The following RANBP9 variants were observed in gnomAD, a reference collection of about 807,000 sequenced individuals.
RANBP9 encodes the protein ran-binding protein 9.
A neutral mutation model predicts 84.3 loss-of-function variants in RANBP9; 15 were observed. The observed-to-expected ratio is 0.18, with a 90% CI of 0.12 to 0.27. The LOEUF (loss-of-function observed/expected upper bound fraction) is 0.27, where lower values mean the gene tolerates loss of function less well. Ranked by LOEUF, RANBP9 falls within the 10% of genes least tolerant of loss-of-function variation. The probability of loss-of-function intolerance (pLI) is 1.00; values close to 1 mark genes in which losing one functional copy is unlikely to be tolerated. For synonymous variants in RANBP9, 392 were observed against 349.6 expected, an observed-to-expected ratio of 1.12 and a Z score of -1.35; for missense variants, 809 against 912.8, an observed-to-expected ratio of 0.89 and a Z score of 1.46.
chr6:13,700,840 G>A (rs900789019), intron 1 of RANBP9, among the ~76,000 whole-genome samples: 10 of 152,148 alleles, frequency 6.6e-5, no homozygotes, highest in African/African-American at 2.4e-4. Context: ...TGTAATTTTT[G>A]TAGTGTTCTG....
intron 5 of RANBP9, among the ~76,000 whole-genome samples, chr6:13,647,686 G>A (rs1202472825): frequency 2.0e-5 from 3 of 151,982 alleles, no homozygotes. Flanking sequence ...CTTCTCTTTT[G>A]TACATTTCTG....
chr6:13,625,896 C>G, intron 12 of RANBP9, 132 bp from the exon 13 acceptor site: 1 of 581,162 alleles, frequency 1.7e-6, no homozygotes, highest in Non-Finnish European at 3.2e-6. Flanking sequence ...CCCATTTACT[C>G]CCAGCACTGG....
intron 5 of RANBP9, among the ~76,000 whole-genome samples, chr6:13,650,638 G>C (rs1216328339): frequency 1.3e-5 from 2 of 152,162 alleles, no homozygotes; most frequent in East Asian, 3.8e-4. Flanking sequence ...CATCATGAAA[G>C]TGACAGTATC....
At chr6:13,683,694 T>C (rs1766098515) in intron 2 of RANBP9, among the ~76,000 whole-genome samples, 1 of 152,106 alleles carries the variant, frequency 6.6e-6, no homozygotes, top group African/African-American at 2.4e-5. Context: ...TTATTTTTTT[T>C]CTATTTCACA....
At chr6:13,654,374 A>G (rs1228475276) in intron 4 of RANBP9, among the ~76,000 whole-genome samples, 1 of 152,228 alleles carries the variant, frequency 6.6e-6, no homozygotes, top group Non-Finnish European at 1.5e-5. Context: ...AAAAATTATC[A>G]AATTACATTA....
intron 12 of RANBP9, among the ~76,000 whole-genome samples, chr6:13,630,900 C>T (rs946429772): frequency 6.6e-6 from 1 of 151,968 alleles, no homozygotes; most frequent in East Asian, 1.9e-4. Flanking sequence ...AACCTGAACT[C>T]CTGGGTTCAA....
intron 5 of RANBP9, among the ~76,000 whole-genome samples, chr6:13,650,159 T>G (rs1765264069): frequency 6.6e-6 from 1 of 150,546 alleles, no homozygotes; most frequent in South Asian, 2.1e-4. Context: ...TGTTGTTGTG[T>G]TTTTTTGTTT....
Position 13,657,167 on chromosome 6 carries a change from G to A in RANBP9, c.846C>T (p.Gly282=), listed in dbSNP as rs1765419490. 6.2e-7 allele frequency: 1 copy of A among 1,612,778 alleles called. No individual in the cohort carries two copies. Among genetic ancestry groups the A allele is most frequent in the Admixed American group, 1.7e-5 (1 of 59,906 alleles). The part of the protein sequence containing the change: ...GPTFTTGDVI[G]CCVNLINNTC... ...TATTGTTGATAAGATTAACACAACA[G>A]CCAATGACATCACCAGTAGTGAAAG... Residue 282 remains glycine, a synonymous_variant, in exon 4 of 14, where the codon GGC becomes GGT. Transcript: ENST00000011619.
Position 13,710,966 on chromosome 6 carries a change from G to C in RANBP9, c.540C>G (p.Leu180=). 1 of 1,610,060 alleles carries C rather than the reference G, an allele frequency of 6.2e-7. No homozygotes were observed. Among genetic ancestry groups the C allele is most frequent in the Non-Finnish European group, 8.5e-7 (1 of 1,178,400 alleles). The change falls in exon 1 of 14, where the codon CTC becomes CTG. Residue 180 remains leucine (L), a synonymous_variant. Transcript: ENST00000011619. Reference sequence around the variant, plus strand: ...AGTGCACCCGCAGGTTGTTCTGAGAGAGGCCGATGTAGCTGAACTTGTCCT... The same window carrying C: ...AGTGCACCCGCAGGTTGTTCTGAGACAGGCCGATGTAGCTGAACTTGTCCT... ...SPKDKFSYIG[L]SQNNLRVHYK... is the part of the protein sequence containing the mutation.
At chr6:13,627,229 A>G (rs1225656222) in intron 12 of RANBP9, among the ~76,000 whole-genome samples, 1 of 152,198 alleles carries the variant, frequency 6.6e-6, no homozygotes, top group Non-Finnish European at 1.5e-5. Context: ...TGCATCCCAC[A>G]AAGCTACTTG....
intron 5 of RANBP9, among the ~76,000 whole-genome samples, chr6:13,648,826 T>C (rs1240489124): frequency 6.6e-6 from 1 of 152,206 alleles, no homozygotes; most frequent in East Asian, 1.9e-4. Context: ...ACAAAAGCCT[T>C]TAAAAAGCAA....
At chr6:13,696,181 C>A (rs1415007765) in intron 2 of RANBP9, among the ~76,000 whole-genome samples, 1 of 151,920 alleles carries the variant, frequency 6.6e-6, no homozygotes, top group Non-Finnish European at 1.5e-5. Flanking sequence ...GGGGTAAGGC[C>A]CAAAAATTAC....
intron 8 of RANBP9, 67 bp downstream of exon 8, chr6:13,641,132 T>C (rs1765052907): frequency 9.6e-7 from 1 of 1,038,588 alleles, no homozygotes; most frequent in Non-Finnish European, 1.3e-6. Context: ...GAAAATGTCT[T>C]TTATTACATA....
Position 13,644,532 on chromosome 6 carries a change from T to C in RANBP9, c.1112+13A>G, listed in dbSNP as rs1323503136. 6.2e-6 allele frequency: 10 copies of C among 1,602,852 alleles called. No homozygotes were observed. The highest frequency in any genetic ancestry group is 4.5e-5 in the East Asian group (2 of 44,604). On this transcript the variant is annotated intron_variant, in intron 6 of 13. Coordinates refer to ENST00000011619, the MANE Select transcript of RANBP9 (RefSeq NM_005493.3). ...ATTCTGAATAGCATCAATTGAAATT[T>C]CTTCACTCTTACTTTTGTATCATGG...
At chr6:13,690,708 G>GT (rs1257846890) in intron 2 of RANBP9, among the ~76,000 whole-genome samples, 1 of 152,116 alleles carries the variant, frequency 6.6e-6, no homozygotes, top group Non-Finnish European at 1.5e-5. Flanking sequence ...AGAATTAACA[G>GT]TATGTCCACT....
intron 5 of RANBP9, among the ~76,000 whole-genome samples, chr6:13,645,404 T>G (rs1050177863): frequency 7.9e-5 from 12 of 151,898 alleles, no homozygotes; most frequent in African/African-American, 2.4e-4. Context: ...TCAGGTACAC[T>G]CCATGGTTTC....
At chr6:13,642,276 CTAGAAT>C (rs1167999121) in intron 7 of RANBP9, among the ~76,000 whole-genome samples, 197 bp downstream of exon 7, 1 of 152,048 alleles carries the variant, frequency 6.6e-6, no homozygotes, top group African/African-American at 2.4e-5. Context: ...TAAAATCTCT[CTAGAAT>C]TAGAATTCTG....
At chr6:13,639,863 G>C in intron 8 of RANBP9, 110 bp from the exon 9 acceptor site, 1 of 910,868 alleles carries the variant, frequency 1.1e-6, no homozygotes, top group Admixed American at 2.8e-5. Flanking sequence ...CAGTAGGATT[G>C]GTCTTTAGTA....
Position 13,629,895 on chromosome 6 carries a change from G to GTC in RANBP9, c.1947+2473_1947+2474dup, listed in dbSNP as rs35437953. Among the ~76,000 whole-genome samples the GTC allele has an allele frequency of 3.6e-3, 513 of 143,912 alleles. 3 individuals are homozygous for GTC. The highest frequency in any genetic ancestry group is 4.9e-3 in the Non-Finnish European group (326 of 66,114). The allele number at this position is 143,912 out of a possible 152,430, so 94.4% of individuals were successfully genotyped here. A position where few individuals can be genotyped will look rare whatever the true frequency, so the allele number is the denominator to read the frequency against. ...CTCAATCTCTCTCTCTCATGTCTCTGTCTCTCTCTCTCTCTCTCTCTCTCT... is the reference window on the plus strand; with the variant it reads ...CTCAATCTCTCTCTCTCATGTCTCTGTCTCTCTCTCTCTCTCTCTCTCTCTCT... On this transcript the variant is annotated intron_variant, in intron 12 of 13. Transcript: ENST00000011619.
Sources: gnomAD v4.1 joint callset for allele counts (sites outside exome capture counted in the v4.1 genomes callset) on GRCh38, gnomAD v4.1.1 for gene constraint, MANE v1.5 for transcripts, NCBI Gene and HGNC (gene_info 2026-07-23, HGNC 2026-07-21) for gene names.